Variants in SLC9A3 observed in about 807,000 individuals in gnomAD.
The protein encoded by SLC9A3 is solute carrier family 9 member A3, also known as sodium/hydrogen exchanger 3.
SLC9A3 carries 37 observed loss-of-function variants against 86.8 expected under a neutral mutation model. That is an observed-to-expected ratio of 0.43 (90% confidence interval 0.33 to 0.56). The LOEUF is 0.56. Ranked by LOEUF, SLC9A3 falls within the 20% of genes least tolerant of loss-of-function variation. The pLI is 0.06. For synonymous variants in SLC9A3, 581 were observed against 528.3 expected, an observed-to-expected ratio of 1.10 and a Z score of -1.37; for missense variants, 1,011 against 1,171.9, an observed-to-expected ratio of 0.86 and a Z score of 2.00.
intron 3 of SLC9A3, among the ~76,000 whole-genome samples, chr5:485,618 T>C (rs1739426851): frequency 6.6e-6 from 1 of 152,262 alleles, no homozygotes; most frequent in Non-Finnish European, 1.5e-5. Context: ...TTGCATGTTT[T>C]TAAACCTTAG....
In SLC9A3 at chr5:470,539, C is replaced by G. The variant is rs910153508; in HGVS notation, c.*2840G>C. 1.3e-5 allele frequency: 2 copies of G among 152,326 alleles called. No homozygotes were observed. Among genetic ancestry groups the G allele is most frequent in the African/African-American group, 4.8e-5 (2 of 41,424 alleles). The allele number at this position is 152,326 out of a possible 1,614,324, so 9.4% of individuals were successfully genotyped here. A position where few individuals can be genotyped will look rare whatever the true frequency, so the allele number is the denominator to read the frequency against. The stretch of plus-strand genomic sequence containing the variant: ...TTGAAATGTTTTTAATAGAATTGGT[C>G]TAGTAATCGTTCAGGATTTCGGTGA... On this transcript the variant is annotated 3_prime_UTR_variant, in exon 17 of 17. Transcript: ENST00000264938.
At chr5:484,997 G>A (rs980659102) in intron 4 of SLC9A3, among the ~76,000 whole-genome samples, 156 bp downstream of exon 4, 3 of 152,256 alleles carry the variant, frequency 2.0e-5, no homozygotes, top group African/African-American at 4.8e-5. Flanking sequence ...CAAATCGTGT[G>A]TGAATCGCTC....
chr5:499,994 C>G (rs915889068), intron 1 of SLC9A3, among the ~76,000 whole-genome samples: 1 of 152,252 alleles, frequency 6.6e-6, no homozygotes, highest in South Asian at 2.1e-4. Context: ...ACAGCCTCCT[C>G]GGCCCAGAGC....
At chr5:495,235 C>T (rs1322855238) in intron 1 of SLC9A3, among the ~76,000 whole-genome samples, 1 of 152,108 alleles carries the variant, frequency 6.6e-6, no homozygotes, top group African/African-American at 2.4e-5. Context: ...CACAGTCTTC[C>T]AAAATTAGGT....
At chr5:503,779 A>G (rs1740414246) in intron 1 of SLC9A3, among the ~76,000 whole-genome samples, 2 of 152,284 alleles carry the variant, frequency 1.3e-5, no homozygotes, top group African/African-American at 4.8e-5. Context: ...TGAGTTACCA[A>G]TAAAGAACTT....
At chr5:489,341 C>T (rs1353881063) in intron 2 of SLC9A3, among the ~76,000 whole-genome samples, 4 of 152,170 alleles carry the variant, frequency 2.6e-5, no homozygotes, top group East Asian at 3.9e-4. Flanking sequence ...AGGCCCCCGA[C>T]GAGTCCCCCC....
chr5:517,380 T>C (rs1189236760), intron 1 of SLC9A3, among the ~76,000 whole-genome samples: 1 of 150,460 alleles, frequency 6.6e-6, no homozygotes, highest in East Asian at 2.0e-4. Context: ...CATCCATCCA[T>C]TCACTTATCC....
chr5:513,598 G>T (rs1012737372), intron 1 of SLC9A3, among the ~76,000 whole-genome samples: 1 of 152,184 alleles, frequency 6.6e-6, no homozygotes, highest in Non-Finnish European at 1.5e-5. Flanking sequence ...TGGCCACGGG[G>T]TCCCTGAGAC....
In SLC9A3 at chr5:485,254, G is replaced by A. The variant is rs373193136; in HGVS notation, c.676-23C>T. 232 of 1,604,408 alleles carry A rather than the reference G, an allele frequency of 1.4e-4. No homozygotes were observed. In the Admixed American group the frequency reaches 2.5e-3, roughly 17 times the overall value. ...AACCTGCAGGGAAAACGGGCAGGGC[G>A]TTGGGTGGTCCTTGGTTAGTGCCAC... On this transcript the variant is annotated intron_variant, in intron 3 of 16. Coordinates refer to ENST00000264938, the MANE Select transcript of SLC9A3 (RefSeq NM_004174.4).
intron 1 of SLC9A3, among the ~76,000 whole-genome samples, chr5:512,184 C>A (rs1281680167): frequency 1.7e-4 from 26 of 152,328 alleles, no homozygotes; most frequent in Non-Finnish European, 5.9e-5. Context: ...AATGCTGGAT[C>A]CATGTCGTTG....
At chr5:500,745 G>A (rs1023113256) in intron 1 of SLC9A3, among the ~76,000 whole-genome samples, 8 of 129,524 alleles carry the variant, frequency 6.2e-5, no homozygotes, top group Non-Finnish European at 1.3e-4. Flanking sequence ...TGGTGTGGAC[G>A]GGGTCAGTGT....
Position 493,364 on chromosome 5 carries a change from G to A in SLC9A3, c.212-1293C>T, listed in dbSNP as rs566818403. 7.9e-5 allele frequency among the ~76,000 whole-genome samples: 12 copies of A among 152,348 alleles called. No individual in the cohort carries two copies. In the East Asian group the frequency reaches 1.4e-3, roughly 17 times the overall value. On this transcript the variant is annotated intron_variant, in intron 1 of 16. Transcript: ENST00000264938. Reference sequence around the variant, plus strand: ...GGCTCCCTCCACACCACCCGCCCCCGAAGAATGTGTCAGCACAGCTGGAGG... The same window carrying A: ...GGCTCCCTCCACACCACCCGCCCCCAAAGAATGTGTCAGCACAGCTGGAGG...
At position 475,101 on chromosome 5, in the gene SLC9A3, C is replaced by T. The variant is rs1207182608; in HGVS notation, c.2283G>A (p.Glu761=). 1 of 1,605,958 alleles carries T rather than the reference C, an allele frequency of 6.2e-7. No homozygotes were observed. The highest frequency in any genetic ancestry group is 8.5e-7 in the Non-Finnish European group (1 of 1,175,942). Residue 761 remains glutamate (E), a synonymous_variant, in exon 16 of 17, where the codon GAG becomes GAA. Coordinates refer to ENST00000264938, the MANE Select transcript of SLC9A3 (RefSeq NM_004174.4). The part of the protein sequence containing the change: ...GIDNPVFSPD[E]ALDRSLLARL... ...TGGCCAGGAGGCTGCGGTCCAGGGC[C>T]TCGTCCGGAGAAAACACAGGGTTGT...
At chr5:489,146 T>G (rs1349044306) in intron 2 of SLC9A3, among the ~76,000 whole-genome samples, 2 of 152,174 alleles carry the variant, frequency 1.3e-5, no homozygotes, top group East Asian at 3.9e-4. Context: ...CACGTGGGGG[T>G]GCCAGGCTCC....
chr5:473,175 G>A lies in SLC9A3; in HGVS notation c.*204C>T, dbSNP rs1358787064. On this transcript the variant is annotated 3_prime_UTR_variant, in exon 17 of 17. Transcript: ENST00000264938. ...CGCCCCCGGCGCAGGCCCCGCCCCC[G>A]GCTCGCCCTCGGGCGGCTCTGCGGG... 4 of 475,100 alleles carry A rather than the reference G, an allele frequency of 8.4e-6. No individual in the cohort carries two copies. Among genetic ancestry groups the A allele is most frequent in the African/African-American group, 8.2e-5 (4 of 48,934 alleles). 29.4% of individuals were successfully genotyped at this position (475,100 alleles called of 1,614,324 possible).
intron 1 of SLC9A3, among the ~76,000 whole-genome samples, chr5:500,048 G>A (rs1186868284): frequency 6.6e-6 from 1 of 152,254 alleles, no homozygotes; most frequent in Non-Finnish European, 1.5e-5. Flanking sequence ...AACAGGCAGC[G>A]ACATCTTCAA....
At chr5:488,289 C>T (rs754934468) in intron 3 of SLC9A3, 27 bp downstream of exon 3, 1 of 1,611,108 alleles carries the variant, frequency 6.2e-7, no homozygotes, top group Non-Finnish European at 8.5e-7. Context: ...GGCTCGCCCG[C>T]TCTGGAGCGG....
intron 10 of SLC9A3, 153 bp from the exon 11 acceptor site, chr5:477,597 G>A (rs1738834820): frequency 1.8e-6 from 1 of 559,986 alleles, no homozygotes; most frequent in Admixed American, 3.4e-5. Context: ...GCAGAGGGAG[G>A]GGTGGAAATG....
chr5:491,626 C>T lies in SLC9A3; in HGVS notation c.514+143G>A, dbSNP rs547414329. 65 of 708,012 alleles carry T rather than the reference C, an allele frequency of 9.2e-5. No individual in the cohort carries two copies. In the East Asian group the frequency reaches 1.4e-3, roughly 15 times the overall value. 43.9% of individuals were successfully genotyped at this position (708,012 alleles called of 1,614,324 possible). ...GACTGGCCTTGGTCACGAGGGCCTA[C>T]GGGGCTGCCAGCCACGTTTCTCACC... On this transcript the variant is annotated intron_variant, in intron 2 of 16. Transcript: ENST00000264938. The surrounding 1 kb of genome is among the most constrained non-coding windows in gnomAD (Gnocchi z 9.2).
Sources: allele counts gnomAD v4.1 joint callset (sites outside exome capture counted in the v4.1 genomes callset), GRCh38; gene constraint gnomAD v4.1.1; non-coding constraint Gnocchi (gnomAD v3.1); transcripts MANE v1.5; gene names NCBI Gene and HGNC (gene_info 2026-07-23, HGNC 2026-07-21).